RTN1: variants seen among roughly 807,000 people sequenced by gnomAD.
RTN1 encodes reticulon-1.
Under a neutral mutation model 65.5 loss-of-function variants are expected in RTN1, and 25 were observed. The observed-to-expected ratio is 0.38, with a 90% CI of 0.28 to 0.53. The LOEUF is 0.53. RTN1 is among the 20% of genes least tolerant of loss of function. RTN1 has a pLI of 0.79. For missense variants in RTN1, 983 were observed against 1,025.4 expected, an observed-to-expected ratio of 0.96 and a Z score of 0.57; for synonymous variants, 471 against 447.6, an observed-to-expected ratio of 1.05 and a Z score of -0.66.
chr14:59,664,993 G>T (rs151275840), intron 3 of RTN1, among the ~76,000 whole-genome samples: 66 of 152,152 alleles, frequency 4.3e-4, no homozygotes, highest in Admixed American at 4.1e-3. Flanking sequence ...CATTCTTGCC[G>T]CATTTAGTGT....
intron 3 of RTN1, among the ~76,000 whole-genome samples, chr14:59,608,084 C>G (rs1183443471): frequency 1.3e-5 from 2 of 152,022 alleles, no homozygotes; most frequent in African/African-American, 2.4e-5. Context: ...AAATTACATG[C>G]AAAAGAGTAG....
At chr14:59,698,689 C>G (rs140222126) in intron 3 of RTN1, among the ~76,000 whole-genome samples, 3 of 152,314 alleles carry the variant, frequency 2.0e-5, no homozygotes, top group Non-Finnish European at 4.4e-5. Flanking sequence ...CCACGTGGAA[C>G]TGTAAGTCCA....
intron 3 of RTN1, among the ~76,000 whole-genome samples, chr14:59,726,145 C>T (rs963534876): frequency 6.6e-6 from 1 of 152,104 alleles, no homozygotes; most frequent in Non-Finnish European, 1.5e-5. Context: ...CAATCAGGTG[C>T]GGTGAACGAT....
chr14:59,675,764 C>A (rs1291009751), intron 3 of RTN1, among the ~76,000 whole-genome samples: 1 of 151,824 alleles, frequency 6.6e-6, no homozygotes, highest in Admixed American at 6.6e-5. Context: ...GGGATCCCAG[C>A]CAGATTATTT....
intron 3 of RTN1, among the ~76,000 whole-genome samples, chr14:59,715,449 T>C (rs957357936): frequency 6.6e-6 from 1 of 152,234 alleles, no homozygotes; most frequent in African/African-American, 2.4e-5. Flanking sequence ...GCTTTAGAAC[T>C]ATAGCATGTC....
intron 3 of RTN1, among the ~76,000 whole-genome samples, chr14:59,661,350 G>A (rs1025169110): frequency 6.7e-6 from 1 of 150,370 alleles, no homozygotes; most frequent in Non-Finnish European, 1.5e-5. Context: ...CATTCCTTCT[G>A]AAACTATTCC....
intron 3 of RTN1, among the ~76,000 whole-genome samples, chr14:59,690,313 G>T (rs1045336511): frequency 1.3e-5 from 2 of 151,080 alleles, no homozygotes; most frequent in Non-Finnish European, 2.9e-5. Context: ...GTGGGGGGGG[G>T]TCATTATCCT....
rs567095324 is a variant in RTN1 at position 59,670,345 on chromosome 14, A to T, written c.1765+56574T>A. ...CTCTTAACTTATATAGAAGGAAATTAAAAAAATAATAATCTGAAAGCCCAG... is the reference window on the plus strand; with the variant it reads ...CTCTTAACTTATATAGAAGGAAATTTAAAAAATAATAATCTGAAAGCCCAG... On this transcript the variant is annotated intron_variant, in intron 3 of 8. Coordinates refer to ENST00000267484, the MANE Select transcript of RTN1 (RefSeq NM_021136.3). 1.5e-4 allele frequency among the ~76,000 whole-genome samples: 23 copies of T among 152,332 alleles called. No individual in the cohort carries two copies. The South Asian group carries it at 4.1e-3, about 27-fold the overall frequency.
intron 3 of RTN1, among the ~76,000 whole-genome samples, chr14:59,696,377 C>A (rs372507369): frequency 6.6e-6 from 1 of 152,066 alleles, no homozygotes; most frequent in South Asian, 2.1e-4. Context: ...GCTAAGACAC[C>A]GCTTAAAAGG....
At chr14:59,644,780 GC>G (rs1366469241) in intron 3 of RTN1, among the ~76,000 whole-genome samples, 3 of 151,600 alleles carry the variant, frequency 2.0e-5, no homozygotes, top group Non-Finnish European at 4.4e-5. Context: ...CACAGCCTTG[GC>G]TGTCGTTGCC....
intron 3 of RTN1, among the ~76,000 whole-genome samples, chr14:59,618,217 C>T (rs1882158739): frequency 6.6e-6 from 1 of 152,334 alleles, no homozygotes; most frequent in African/African-American, 2.4e-5. Flanking sequence ...GCAGGACTAA[C>T]ATTAGCCATA....
intron 3 of RTN1, among the ~76,000 whole-genome samples, chr14:59,672,348 A>G (rs1302701179): frequency 6.6e-6 from 1 of 152,210 alleles, no homozygotes; most frequent in Non-Finnish European, 1.5e-5. Flanking sequence ...AAGCGCTATG[A>G]TGTTACTCCA....
At chr14:59,755,292 TATTGTTTGAATAGAG>T (rs1407413878) in intron 1 of RTN1, among the ~76,000 whole-genome samples, 9 of 152,190 alleles carry the variant, frequency 5.9e-5, no homozygotes, top group Admixed American at 2.6e-4. Flanking sequence ...AAATGCCAAT[TATTGTTTGAATAGAG>T]CCAATATTAA....
chr14:59,720,239 G>A lies in RTN1; in HGVS notation c.1765+6680C>T, dbSNP rs530332306. ...TGAGAAGGAAACCCCACCACTCAGTGAAGCCACCATTTTAAAAAAAAAACA... is the reference window on the plus strand; with the variant it reads ...TGAGAAGGAAACCCCACCACTCAGTAAAGCCACCATTTTAAAAAAAAAACA... On this transcript the variant is annotated intron_variant, in intron 3 of 8. Coordinates refer to ENST00000267484, the MANE Select transcript of RTN1 (RefSeq NM_021136.3). 3.0e-3 allele frequency among the ~76,000 whole-genome samples: 402 copies of A among 133,726 alleles called. 1 individual carries two copies. The highest frequency in any genetic ancestry group is 0.012 in the African/African-American group (376 of 31,744). The allele number at this position is 133,726 out of a possible 152,430, so 87.7% of individuals were successfully genotyped here.
intron 1 of RTN1, among the ~76,000 whole-genome samples, chr14:59,830,780 T>C (rs1887112223): frequency 6.6e-6 from 1 of 152,216 alleles, no homozygotes; most frequent in Admixed American, 6.5e-5. Flanking sequence ...GTTCATAGGG[T>C]GGTTTTAAGG....
intron 1 of RTN1, among the ~76,000 whole-genome samples, chr14:59,784,321 A>T (rs1015036858): frequency 6.6e-6 from 1 of 152,056 alleles, no homozygotes; most frequent in Non-Finnish European, 1.5e-5. Flanking sequence ...CATGCCTGTA[A>T]TCCCAGCTAC....
At chr14:59,681,574 C>T (rs1883746213) in intron 3 of RTN1, among the ~76,000 whole-genome samples, 1 of 152,192 alleles carries the variant, frequency 6.6e-6, no homozygotes, top group East Asian at 1.9e-4. Flanking sequence ...GGCTCTCTCA[C>T]TCATGCTCAT....
At chr14:59,788,793 C>T (rs151135540) in intron 1 of RTN1, among the ~76,000 whole-genome samples, 1 of 152,276 alleles carries the variant, frequency 6.6e-6, no homozygotes, top group East Asian at 1.9e-4. Flanking sequence ...ATTCTATTCT[C>T]CCTGTAATCC....
Position 59,862,700 on chromosome 14 carries a change from T to A in RTN1, c.241+7690A>T, listed in dbSNP as rs146707598. 9.4e-3 allele frequency among the ~76,000 whole-genome samples: 1,428 copies of A among 152,272 alleles called. 12 individuals carry two copies. The highest frequency in any genetic ancestry group is 0.02 in the East Asian group (104 of 5,190). On this transcript the variant is annotated intron_variant, in intron 1 of 8. Coordinates refer to ENST00000267484, the MANE Select transcript of RTN1 (RefSeq NM_021136.3). ...ACTGGAAAACAAAAATCAATCCAAC[T>A]AACCCTGCACTCTAAACCAAAAACA...
Sources: gnomAD v4.1 joint callset for allele counts (sites outside exome capture counted in the v4.1 genomes callset) on GRCh38, gnomAD v4.1.1 for gene constraint, MANE v1.5 for transcripts, NCBI Gene and HGNC (gene_info 2026-07-23, HGNC 2026-07-21) for gene names.